The following FMR1NB variants were observed in gnomAD, a reference collection of about 807,000 sequenced individuals.
FMR1NB encodes FMR1 neighbor.
A neutral mutation model predicts 16.8 loss-of-function variants in FMR1NB; 10 were observed. The observed-to-expected ratio is 0.60, with a 90% CI of 0.37 to 1.01. The LOEUF (loss-of-function observed/expected upper bound fraction) is 1.01. Ranked by LOEUF, FMR1NB falls within the 50% of genes least tolerant of loss-of-function variation. FMR1NB has a pLI of 0.01. For synonymous variants in FMR1NB, 83 were observed against 79.1 expected (o/e 1.05, Z -0.26); for missense variants, 205 against 204.8 (o/e 1.00, Z 0.00).
intron 4 of FMR1NB, among the ~76,000 whole-genome samples, chrX:148,014,237 A>G (rs782766615): frequency 9.0e-6 from 1 of 111,318 alleles, no homozygotes; most frequent in Admixed American, 9.6e-5. Context: ...GGTGGGTTCC[A>G]GAGAGGTTTC....
At chrX:147,982,187 G>A (rs781915774) in intron 1 of FMR1NB, among the ~76,000 whole-genome samples, 2 of 111,130 alleles carry the variant, frequency 1.8e-5, no homozygotes, top group South Asian at 7.6e-4. Flanking sequence ...TTAATCGGGA[G>A]GCTGAGGCAG....
At chrX:148,019,007 G>A (rs2044665316) in intron 4 of FMR1NB, among the ~76,000 whole-genome samples, 1 of 111,920 alleles carries the variant, frequency 8.9e-6, no homozygotes, top group African/African-American at 3.3e-5. Flanking sequence ...ATCAAAAAGT[G>A]GGTGAAGGAC....
intron 4 of FMR1NB, among the ~76,000 whole-genome samples, chrX:148,017,195 C>G (rs2044654035): frequency 9.0e-6 from 1 of 111,047 alleles, no homozygotes; most frequent in African/African-American, 3.3e-5. Flanking sequence ...TCATGCTACT[C>G]TCTCCTGGCC....
intron 1 of FMR1NB, among the ~76,000 whole-genome samples, chrX:147,982,964 A>C (rs782432828): frequency 8.9e-6 from 1 of 112,384 alleles, no homozygotes; most frequent in African/African-American, 3.2e-5. Context: ...GAACAATTAA[A>C]GGGATTTCGT....
intron 1 of FMR1NB, among the ~76,000 whole-genome samples, chrX:147,982,245 G>A (rs187851084): frequency 0.015 from 1,628 of 108,866 alleles, 26 homozygotes; most frequent in African/African-American, 0.052. Flanking sequence ...AGCTGGCATG[G>A]TGCCACTGCA....
intron 2 of FMR1NB, among the ~76,000 whole-genome samples, chrX:148,003,857 A>G (rs2044582839): frequency 8.9e-6 from 1 of 112,131 alleles, no homozygotes; most frequent in Admixed American, 9.5e-5. Context: ...ATTAACCACA[A>G]ATAAACACGT....
intron 2 of FMR1NB, among the ~76,000 whole-genome samples, chrX:148,005,612 A>G (rs782454080): frequency 8.9e-6 from 1 of 112,201 alleles, no homozygotes; most frequent in Non-Finnish European, 1.9e-5. Flanking sequence ...TTGATCTTGC[A>G]TAAGTTACTT....
intron 4 of FMR1NB, among the ~76,000 whole-genome samples, chrX:148,011,091 C>G (rs782490217): frequency 3.6e-5 from 4 of 110,493 alleles, no homozygotes; most frequent in Non-Finnish European, 5.7e-5. Flanking sequence ...TGGTGAAACC[C>G]TGTCTCTACT....
At chrX:147,986,239 A>G (rs1557187079) in intron 1 of FMR1NB, among the ~76,000 whole-genome samples, 1 of 112,293 alleles carries the variant, frequency 8.9e-6, no homozygotes, top group African/African-American at 3.2e-5. Context: ...AGATGGATAG[A>G]TTGCAAAAAT....
chrX:147,993,588 CT>C (rs1557187939), intron 1 of FMR1NB, among the ~76,000 whole-genome samples: 1 of 110,685 alleles, frequency 9.0e-6, no homozygotes, highest in East Asian at 2.9e-4. Flanking sequence ...TCACAGAGCC[CT>C]TTTCTCCTCT....
intron 1 of FMR1NB, among the ~76,000 whole-genome samples, chrX:147,986,181 G>C (rs1309256673): frequency 8.9e-6 from 1 of 112,041 alleles, no homozygotes; most frequent in Non-Finnish European, 1.9e-5. Context: ...TTTATTTCTT[G>C]TAAATTTGTT....
intron 3 of FMR1NB, among the ~76,000 whole-genome samples, chrX:148,007,834 A>G (rs1386962177): frequency 1.8e-5 from 2 of 111,959 alleles, no homozygotes; most frequent in African/African-American, 6.5e-5. Context: ...ATGTAGTATT[A>G]ATACTGGAAA....
intron 4 of FMR1NB, among the ~76,000 whole-genome samples, chrX:148,010,590 T>C (rs1557189536): frequency 8.9e-6 from 1 of 111,744 alleles, no homozygotes; most frequent in East Asian, 2.8e-4. Flanking sequence ...GATAAAATAT[T>C]AGGGTAGGTA....
chrX:147,986,267 G>T (rs374272669), intron 1 of FMR1NB, among the ~76,000 whole-genome samples: 1 of 112,149 alleles, frequency 8.9e-6, no homozygotes, highest in Non-Finnish European at 1.9e-5. Context: ...CATTCTATAG[G>T]TTGCCTGTTC....
intron 4 of FMR1NB, among the ~76,000 whole-genome samples, chrX:148,009,541 C>T (rs1200343451): frequency 3.7e-5 from 4 of 107,699 alleles, no homozygotes; most frequent in Non-Finnish European, 7.7e-5. Flanking sequence ...AGCTCCCCAC[C>T]TATGGGGACA....
chrX:148,012,294 A>G (rs1288243598), intron 4 of FMR1NB, among the ~76,000 whole-genome samples: 7 of 112,185 alleles, frequency 6.2e-5, no homozygotes, highest in Admixed American at 5.7e-4. Context: ...CTGTTTTTAG[A>G]TAAAGTTTAA....
At chrX:148,019,181 A>G (rs1407406434) in intron 4 of FMR1NB, among the ~76,000 whole-genome samples, 1 of 112,122 alleles carries the variant, frequency 8.9e-6, no homozygotes, top group Non-Finnish European at 1.9e-5. Context: ...TCAATCTACT[A>G]TTAAAAAACT....
rs534872620 is a variant in FMR1NB, at chrX:148,024,070, T to C, written c.633-795T>C. Among the ~76,000 whole-genome samples the C allele has an allele frequency of 1.8e-3, 202 of 112,112 alleles. 6 individuals are homozygous for C. The South Asian group carries it at 0.071, about 40-fold the overall frequency. ...GATCATGCACGTGAAGTGCTTATTA[T>C]GCACATAGGAAGTTTATCATACCTG... is the stretch of plus-strand genomic sequence containing the variant. On this transcript the variant is annotated intron_variant, in intron 4 of 5. Transcript: ENST00000370467.
In FMR1NB at chrX:148,003,339, T is replaced by G. The variant is rs1022444331; in HGVS notation, c.397+19T>G. Reference sequence around the variant, plus strand: ...CCAACAAGTAAGTTCTTGTTTGATTTTTTTCCCCCTCTAATGTTCTTGTTT... The same window carrying G: ...CCAACAAGTAAGTTCTTGTTTGATTGTTTTCCCCCTCTAATGTTCTTGTTT... On this transcript the variant is annotated intron_variant, in intron 2 of 5. Transcript: ENST00000370467. 8.3e-7 allele frequency: 1 copy of G among 1,205,151 alleles called. No individual in the cohort carries two copies. The highest frequency in any genetic ancestry group is 1.7e-5 in the African/African-American group (1 of 57,568).
Sources: allele counts gnomAD v4.1 joint callset (sites outside exome capture counted in the v4.1 genomes callset), GRCh38; gene constraint gnomAD v4.1.1; transcripts MANE v1.5; gene names NCBI Gene and HGNC (gene_info 2026-07-23, HGNC 2026-07-21).